MCCC1: variants seen among roughly 807,000 people sequenced by gnomAD.
MCCC1 encodes the protein methylcrotonyl-CoA carboxylase subunit 1.
A neutral mutation model predicts 83.8 loss-of-function variants in MCCC1; 64 were observed. That is an observed-to-expected ratio of 0.76 (90% CI 0.62 to 0.94). The LOEUF (loss-of-function observed/expected upper bound fraction) is 0.94, where lower values mean the gene tolerates loss of function less well. Among genes scored for constraint, MCCC1 ranks in the 40% least tolerant of loss-of-function variants. The pLI is 0.00. For missense variants in MCCC1, 807 were observed against 904.7 expected (o/e 0.89, Z 1.39); for synonymous variants, 322 against 315.4 (o/e 1.02, Z -0.22).
intron 14 of MCCC1, 94 bp from the exon 15 acceptor site, chr3:183,025,898 C>G (rs1409805945): frequency 2.8e-6 from 3 of 1,079,536 alleles, no homozygotes; most frequent in Non-Finnish European, 4.2e-6. Context: ...AACCTAAAGA[C>G]AACCAACTAT....
chr3:183,020,553 C>T (rs1400648189), intron 16 of MCCC1, among the ~76,000 whole-genome samples: 1 of 151,964 alleles, frequency 6.6e-6, no homozygotes, highest in African/African-American at 2.4e-5. Context: ...CTCACTTGAG[C>T]CTGGGAGGTA....
At chr3:183,017,874 C>T in intron 17 of MCCC1, 1 of 101,656 alleles carries the variant, frequency 9.8e-6, no homozygotes, top group Non-Finnish European at 2.3e-5. Flanking sequence ...CAGAGGCCTA[C>T]AGGTCAAATG....
At chr3:183,068,671 A>C (rs1434915652) in intron 7 of MCCC1, among the ~76,000 whole-genome samples, 1 of 152,260 alleles carries the variant, frequency 6.6e-6, no homozygotes, top group East Asian at 1.9e-4. Flanking sequence ...ACATTCCATC[A>C]ATGCCAGACT....
At chr3:183,060,791 T>A (rs1426858131) in intron 7 of MCCC1, among the ~76,000 whole-genome samples, 1 of 150,714 alleles carries the variant, frequency 6.6e-6, no homozygotes, top group Non-Finnish European at 1.5e-5. Context: ...GTTCTCATTG[T>A]TCAATTCCCA....
At chr3:183,050,428 C>T (rs11927250) in intron 9 of MCCC1, among the ~76,000 whole-genome samples, 25,669 of 149,342 alleles carry the variant, frequency 0.17, 2,463 homozygotes, top group East Asian at 0.4. Flanking sequence ...GTCGGCCGGG[C>T]GCGGTGGCTC....
chr3:183,102,758 GTTTTTTT>G (rs566199257), upstream of MCCC1, among the ~76,000 whole-genome samples: 43 of 52,216 alleles, frequency 8.2e-4, no homozygotes, highest in Non-Finnish European at 1.1e-3. Flanking sequence ...AGCAGAGAAA[GTTTTTTT>G]TTTTTTTTTT....
chr3:183,060,705 C>A (rs953182369), intron 7 of MCCC1, among the ~76,000 whole-genome samples: 6 of 152,182 alleles, frequency 3.9e-5, no homozygotes, highest in Non-Finnish European at 8.8e-5. Flanking sequence ...GGTATATCTC[C>A]TAATGCTGTC....
chr3:183,037,122 G>T (rs1273915664), intron 13 of MCCC1, 96 bp downstream of exon 13: 7 of 1,181,556 alleles, frequency 5.9e-6, no homozygotes, highest in Non-Finnish European at 8.8e-6. Flanking sequence ...ACTGAGAGGA[G>T]AAAAGAGAGG....
rs531463088 is a variant in MCCC1 at position 183,094,669 on chromosome 3, A to G, written c.90-64T>C. 33 of 1,523,130 alleles carry G rather than the reference A, an allele frequency of 2.2e-5. No individual in the cohort carries two copies. In the East Asian group the frequency reaches 7.0e-4, roughly 32 times the overall value. 94.4% of individuals were successfully genotyped at this position (1,523,130 alleles called of 1,614,324 possible). ...ATAGGCAACACAATTGTTCTTTCAAAAGAATTTCAGTTTCTTAAAACATGA... is the reference window on the plus strand; with the variant it reads ...ATAGGCAACACAATTGTTCTTTCAAGAGAATTTCAGTTTCTTAAAACATGA... On this transcript the variant is annotated intron_variant, in intron 1 of 18. Coordinates refer to ENST00000265594, the MANE Select transcript of MCCC1 (RefSeq NM_020166.5).
At chr3:183,023,923 CT>C (rs1320878793) in intron 15 of MCCC1, among the ~76,000 whole-genome samples, 2 of 152,076 alleles carry the variant, frequency 1.3e-5, no homozygotes, top group African/African-American at 4.8e-5. Context: ...CTTGGGGTCC[CT>C]AATACCCTTT....
upstream of MCCC1, among the ~76,000 whole-genome samples, chr3:183,101,224 G>A (rs555328879): frequency 1.3e-3 from 200 of 152,360 alleles, 1 homozygote; most frequent in African/African-American, 4.7e-3. Flanking sequence ...CCCGATGAGC[G>A]CCACCCCCTG....
At chr3:183,090,955 T>G (rs757868284) in intron 3 of MCCC1, 1 of 456,384 alleles carries the variant, frequency 2.2e-6, no homozygotes, top group African/African-American at 2.0e-5. Flanking sequence ...GAAAGATGGA[T>G]GCAGACATAA....
chr3:183,111,221 A>C (rs1719487764), intron 1 of MCCC1, among the ~76,000 whole-genome samples: 1 of 152,204 alleles, frequency 6.6e-6, no homozygotes. Context: ...TTTGGCTGGG[A>C]ACCCCAATGC....
At chr3:183,033,194 C>T (rs1336089549) in intron 14 of MCCC1, among the ~76,000 whole-genome samples, 1 of 152,218 alleles carries the variant, frequency 6.6e-6, no homozygotes, top group Non-Finnish European at 1.5e-5. Flanking sequence ...TTATAAACTG[C>T]CTTCTGGCTT....
At chr3:183,040,455 A>G (rs1365443513) in intron 11 of MCCC1, among the ~76,000 whole-genome samples, 1 of 151,606 alleles carries the variant, frequency 6.6e-6, no homozygotes, top group African/African-American at 2.4e-5. Flanking sequence ...TCACCCCTGT[A>G]ATCCCAGCAC....
chr3:183,045,460 C>T lies in MCCC1; in HGVS notation c.1036G>A (p.Val346Ile). ...TCAGTTCCTGTGATCATCTCAGTAACAGGATGTTCCACTTGCAGCCTTGTA... is the reference window on the plus strand; with the variant it reads ...TCAGTTCCTGTGATCATCTCAGTAATAGGATGTTCCACTTGCAGCCTTGTA... ...MNTRLQVEHP[V>I]TEMITGTDLV... The change falls in exon 10 of 19, where the codon GTT becomes ATT. Residue 346 changes from valine to isoleucine, a missense_variant. Coordinates refer to ENST00000265594, the MANE Select transcript of MCCC1 (RefSeq NM_020166.5). The T allele has an allele frequency of 6.2e-7, 1 of 1,614,172 alleles. No individual in the cohort carries two copies. Among genetic ancestry groups the T allele is most frequent in the Non-Finnish European group, 8.5e-7 (1 of 1,180,014 alleles).
At chr3:183,071,531 T>G (rs1411269906) in intron 5 of MCCC1, among the ~76,000 whole-genome samples, 174 bp from the exon 6 acceptor site, 1 of 152,206 alleles carries the variant, frequency 6.6e-6, no homozygotes, top group Non-Finnish European at 1.5e-5. Flanking sequence ...TTTCCCTCAT[T>G]TCATGTGGTA....
intron 2 of MCCC1, among the ~76,000 whole-genome samples, chr3:183,093,327 A>G (rs930963187): frequency 3.5e-4 from 54 of 152,248 alleles, no homozygotes; most frequent in African/African-American, 1.3e-3. Flanking sequence ...AAAGATGAAG[A>G]AACTAATGCT....
intron 4 of MCCC1, among the ~76,000 whole-genome samples, chr3:183,075,967 T>C (rs1471635405): frequency 6.6e-6 from 1 of 152,234 alleles, no homozygotes; most frequent in Non-Finnish European, 1.5e-5. Flanking sequence ...AATTTGAGTA[T>C]TTTATATAAA....
Sources: allele counts gnomAD v4.1 joint callset (sites outside exome capture counted in the v4.1 genomes callset), GRCh38; gene constraint gnomAD v4.1.1; transcripts MANE v1.5; gene names NCBI Gene and HGNC (gene_info 2026-07-23, HGNC 2026-07-21).